Variants in PDE10A observed in about 807,000 individuals in gnomAD.
PDE10A encodes phosphodiesterase 10A, also known as cAMP and cAMP-inhibited cGMP 3',5'-cyclic phosphodiesterase 10A.
A neutral mutation model predicts 97.7 loss-of-function variants in PDE10A; 39 were observed. The observed-to-expected ratio is 0.40, with a 90% CI of 0.31 to 0.52. The LOEUF is 0.52. Among genes scored for constraint, PDE10A ranks in the 20% least tolerant of loss-of-function variants. The pLI is 0.56. For synonymous variants in PDE10A, 371 were observed against 376.8 expected (o/e 0.98, Z 0.18); for missense variants, 731 against 1,047.8 (o/e 0.70, Z 4.17).
intron 1 of PDE10A, among the ~76,000 whole-genome samples, chr6:165,578,159 G>A (rs1191143797): frequency 6.6e-6 from 1 of 152,162 alleles, no homozygotes; most frequent in Non-Finnish European, 1.5e-5. Flanking sequence ...TGCTCAGGGC[G>A]GCCAGCCTCA....
intron 9 of PDE10A, among the ~76,000 whole-genome samples, chr6:165,429,742 T>C (rs887421226): frequency 4.6e-5 from 7 of 151,986 alleles, no homozygotes; most frequent in African/African-American, 1.7e-4. Flanking sequence ...ATAAAACCAA[T>C]AAAAATATGT....
chr6:165,833,330 C>T (rs1779977428), intron 1 of PDE10A, among the ~76,000 whole-genome samples: 1 of 152,210 alleles, frequency 6.6e-6, no homozygotes, highest in South Asian at 2.1e-4. Context: ...CAAACGTGAA[C>T]ACATTTATCT....
intron 17 of PDE10A, among the ~76,000 whole-genome samples, chr6:165,381,631 A>ATTTTT (rs547827126): frequency 1.4e-3 from 160 of 118,166 alleles, no homozygotes; most frequent in African/African-American, 1.6e-3. Context: ...CACCTGGCTA[A>ATTTTT]TTTTTTTTTT....
rs576741413 is a variant in PDE10A at position 165,332,853 on chromosome 6, T to C, written c.*172A>G. 6.3e-5 allele frequency: 37 copies of C among 590,090 alleles called. No homozygotes were observed. Among genetic ancestry groups the C allele is most frequent in the South Asian group, 5.2e-4 (26 of 49,666 alleles). 36.6% of individuals were successfully genotyped at this position (590,090 alleles called of 1,614,324 possible). A position where few individuals can be genotyped will look rare whatever the true frequency, so the allele number is the denominator to read the frequency against. On this transcript the variant is annotated 3_prime_UTR_variant, in exon 22 of 22. Transcript: ENST00000539869. ...TGTCTATGATGCCTCACAGAAGAGA[T>C]TGGCAGGAAGTCCTCTGCTTGACTT...
At chr6:165,928,027 T>C (rs1039979422) in intron 1 of PDE10A, among the ~76,000 whole-genome samples, 24 of 150,742 alleles carry the variant, frequency 1.6e-4, no homozygotes, top group African/African-American at 5.6e-4. Context: ...AATTATGTTC[T>C]TTTATATATA....
chr6:165,634,493 T>C (rs1348571928), intron 1 of PDE10A, among the ~76,000 whole-genome samples: 1 of 152,218 alleles, frequency 6.6e-6, no homozygotes, highest in Non-Finnish European at 1.5e-5. Context: ...TACCTCACCT[T>C]GTTCCAGAGA....
At chr6:165,565,980 T>TAGG (rs1784757575) in intron 1 of PDE10A, among the ~76,000 whole-genome samples, 2 of 152,110 alleles carry the variant, frequency 1.3e-5, no homozygotes, top group African/African-American at 2.4e-5. Context: ...ATAAAACCCC[T>TAGG]AGAAAATAAC....
At chr6:165,338,073 A>C (rs1044325225) in intron 20 of PDE10A, among the ~76,000 whole-genome samples, 1 of 152,230 alleles carries the variant, frequency 6.6e-6, no homozygotes, top group African/African-American at 2.4e-5. Flanking sequence ...AAAATGCGAC[A>C]AAAACTTCAA....
chr6:165,769,345 G>C (rs1237454683), intron 1 of PDE10A, among the ~76,000 whole-genome samples: 1 of 152,150 alleles, frequency 6.6e-6, no homozygotes, highest in Non-Finnish European at 1.5e-5. Flanking sequence ...TTATCTGGTA[G>C]CCAGTAATTT....
At chr6:165,452,950 C>A (rs1314032429) in intron 3 of PDE10A, among the ~76,000 whole-genome samples, 1 of 150,330 alleles carries the variant, frequency 6.7e-6, no homozygotes, top group Non-Finnish European at 1.5e-5. Context: ...TTAGGAATTA[C>A]TTAAGTGGTC....
rs1165097284 is a variant in PDE10A at position 165,661,422 on chromosome 6, G to A, written c.865+525C>T. ...GTGGGAGGCCGGGCGCCCACTCCGA[G>A]TCCTGGAGAACGGCGGTGCCATCAC... is the stretch of plus-strand genomic sequence containing the variant. On this transcript the variant is annotated intron_variant, in intron 1 of 21. Transcript: ENST00000539869. This position sits in a 1 kb window ranked among gnomAD's most constrained non-coding sequence, Gnocchi z 4.8. 2 of 152,486 alleles carry A rather than the reference G, an allele frequency of 1.3e-5. No homozygotes were observed. The highest frequency in any genetic ancestry group is 2.4e-5 in the African/African-American group (1 of 41,452). 9.4% of individuals were successfully genotyped at this position (152,486 alleles called of 1,614,324 possible).
intron 1 of PDE10A, chr6:165,987,424 G>A (rs867441069): frequency 6.2e-6 from 2 of 322,852 alleles, no homozygotes; most frequent in Middle Eastern, 6.5e-4. Flanking sequence ...TGGAGGGAAA[G>A]GACAGGAAGT....
In PDE10A at chr6:165,683,180, G is replaced by A. The variant is rs147954032; in HGVS notation, c.-614-139612C>T. On this transcript the variant is annotated intron_variant, in intron 1 of 19. Coordinates refer to the PDE10A transcript ENST00000366882. ...AATTCAAAGGCTGAGTTCTCTGAAA[G>A]GGATTACCTTACAGAGGCCTGTGCA... Among the ~76,000 whole-genome samples, 46 of 152,284 alleles carry A rather than the reference G, an allele frequency of 3.0e-4. No individual in the cohort carries two copies. In the East Asian group the frequency reaches 7.2e-3, roughly 24 times the overall value.
rs190544018 is a variant in PDE10A, at chr6:165,632,468, C to T, written c.865+29479G>A. Among the ~76,000 whole-genome samples, 848 of 152,264 alleles carry T rather than the reference C, an allele frequency of 5.6e-3. 9 individuals are homozygous for T. Among genetic ancestry groups the T allele is most frequent in the Non-Finnish European group, 5.3e-3 (363 of 68,026 alleles). ...AAGTTTCTTTAGGCTGTAATCTCTACCAACATCTTAGACTTCAGGGAATCA... is the reference window on the plus strand; with the variant it reads ...AAGTTTCTTTAGGCTGTAATCTCTATCAACATCTTAGACTTCAGGGAATCA... On this transcript the variant is annotated intron_variant, in intron 1 of 21. Coordinates refer to ENST00000539869, the MANE Select transcript of PDE10A (RefSeq NM_001385079.1).
At chr6:165,431,613 A>G (rs918789070) in intron 7 of PDE10A, 141 bp from the exon 8 acceptor site, 7 of 268,110 alleles carry the variant, frequency 2.6e-5, no homozygotes, top group Non-Finnish European at 4.7e-5. Context: ...AATATATATC[A>G]TACATAACAT....
At chr6:165,501,302 C>T (rs1473178526) in intron 2 of PDE10A, among the ~76,000 whole-genome samples, 4 of 152,200 alleles carry the variant, frequency 2.6e-5, no homozygotes, top group Non-Finnish European at 5.9e-5. Context: ...TGGCTCACGC[C>T]TGTAATCCCA....
At chr6:165,336,348 A>G in intron 20 of PDE10A, 137 bp from the exon 21 acceptor site, 1 of 649,718 alleles carries the variant, frequency 1.5e-6, no homozygotes, top group Middle Eastern at 2.5e-4. Flanking sequence ...GCTGTATGTG[A>G]TATCTGGGTT....
chr6:165,364,775 C>T (rs894141924), intron 18 of PDE10A, among the ~76,000 whole-genome samples: 4 of 151,942 alleles, frequency 2.6e-5, no homozygotes, highest in Non-Finnish European at 5.9e-5. Context: ...TTACAACAAT[C>T]CAAAGAAGTC....
chr6:165,862,469 G>A (rs1043538485), intron 1 of PDE10A, among the ~76,000 whole-genome samples: 2 of 152,194 alleles, frequency 1.3e-5, no homozygotes, highest in African/African-American at 4.8e-5. Flanking sequence ...ATGCCGTTAT[G>A]TACCAGTGCA....
Sources: gnomAD v4.1 joint callset for allele counts (sites outside exome capture counted in the v4.1 genomes callset) on GRCh38, gnomAD v4.1.1 for gene constraint, Gnocchi (gnomAD v3.1) non-coding constraint, MANE v1.5 for transcripts, NCBI Gene and HGNC (gene_info 2026-07-23, HGNC 2026-07-21) for gene names.